Variants in HK1 observed in about 807,000 individuals in gnomAD.
HK1 encodes the protein hexokinase 1.
HK1 carries 28 observed loss-of-function variants against 91.6 expected under a neutral mutation model. The ratio of observed to expected loss-of-function variants is 0.31; its 90% CI spans 0.23 to 0.42. HK1 has a LOEUF of 0.42. HK1 is among the 10% of genes least tolerant of loss of function. HK1 has a pLI of 1.00. For missense variants in HK1, 770 were observed against 1,219.8 expected (o/e 0.63, Z 5.49); for synonymous variants, 430 against 468.1 (o/e 0.92, Z 1.05).
chr10:69,364,990 G>A (rs190810825), intron 4 of HK1, 88 bp downstream of exon 4: 2 of 1,482,480 alleles, frequency 1.3e-6, no homozygotes, highest in South Asian at 1.1e-5. Flanking sequence ...TTTCCCCTTT[G>A]TTGGCAGAAT....
chr10:69,276,836 T>C (rs976093647), intron 1 of HK1, among the ~76,000 whole-genome samples: 6 of 150,386 alleles, frequency 4.0e-5, no homozygotes, highest in Non-Finnish European at 7.4e-5. Context: ...TATATATCTA[T>C]ATATATCCTA....
rs1282255499 is a variant in HK1 at position 69,319,147 on chromosome 10, GA to G, written c.63+140del. The G allele has an allele frequency of 3.9e-6, 4 of 1,022,426 alleles. No individual in the cohort carries two copies. The African/African-American group carries it at 6.4e-5, about 16-fold the overall frequency. 63.3% of individuals were successfully genotyped at this position (1,022,426 alleles called of 1,614,324 possible). Reference sequence around the variant, plus strand: ...ATCGAGTTGGACTGCAGGGCGCAAGGAAAGCCTTCGCCTTCGATTCTACCGG... The same window carrying G: ...ATCGAGTTGGACTGCAGGGCGCAAGGAAGCCTTCGCCTTCGATTCTACCGG... On this transcript the variant is annotated intron_variant, in intron 1 of 17. Transcript: ENST00000359426.
Position 69,369,253 on chromosome 10 carries a change from T to C in HK1, c.608T>C (p.Ile203Thr). 1 of 1,614,018 alleles carries C rather than the reference T, an allele frequency of 6.2e-7. No homozygotes were observed. The highest frequency in any genetic ancestry group is 8.5e-7 in the Non-Finnish European group (1 of 1,179,860). The part of the protein sequence containing the change: ...IKKRGDYDAN[I>T]VAVVNDTVGT... ...TGTCCCCAGGACTATGATGCCAACA[T>C]CGTAGCTGTGGTGAATGACACAGTG... is the stretch of plus-strand genomic sequence containing the variant. The change falls in exon 6 of 18, where the codon ATC (isoleucine) becomes ACC (threonine). Residue 203 changes from isoleucine to threonine, a missense_variant. Physicochemically the swap from Ile to Thr is moderately conservative, Grantham distance 89. This residue lies in a region of HK1 where 449 missense variants were observed against 665.1 expected (regional missense o/e 0.68). Coordinates refer to ENST00000359426, the MANE Select transcript of HK1 (RefSeq NM_000188.3). The surrounding 1 kb of genome is among the most constrained non-coding windows in gnomAD (Gnocchi z 4.4).
intron 1 of HK1, among the ~76,000 whole-genome samples, chr10:69,333,379 T>A (rs1050446443): frequency 3.9e-5 from 6 of 152,232 alleles, no homozygotes; most frequent in Admixed American, 6.5e-5. Flanking sequence ...GCTGGCTGTT[T>A]GCTAAGCCAT....
At chr10:69,276,118 A>AT (rs1426672139) in intron 1 of HK1, among the ~76,000 whole-genome samples, 10,991 of 38,168 alleles carry the variant, frequency 0.29, 2,891 homozygotes, top group Non-Finnish European at 0.36. Context: ...AAAAAAAAAA[A>AT]ATACATATAT....
intron 1 of HK1, among the ~76,000 whole-genome samples, chr10:69,331,489 G>A (rs1847713138): frequency 6.6e-6 from 1 of 152,242 alleles, no homozygotes. Flanking sequence ...AATGTAGCAA[G>A]TCTGATTTGA....
intron 10 of HK1, among the ~76,000 whole-genome samples, chr10:69,384,035 A>G (rs1043199138): frequency 6.6e-6 from 1 of 152,264 alleles, no homozygotes; most frequent in Admixed American, 6.5e-5. Context: ...ACACCTTGAC[A>G]TAAATTATTA....
chr10:69,362,573 C>T (rs1432818917), intron 3 of HK1, among the ~76,000 whole-genome samples: 1 of 151,990 alleles, frequency 6.6e-6, no homozygotes, highest in Non-Finnish European at 1.5e-5. Flanking sequence ...CACCCTGGAT[C>T]ACCAGCACTC....
In HK1 at chr10:69,401,362, A is replaced by G; in HGVS notation, c.*227A>G. On this transcript the variant is annotated 3_prime_UTR_variant, in exon 18 of 18. Coordinates refer to ENST00000359426, the MANE Select transcript of HK1 (RefSeq NM_000188.3). The stretch of plus-strand genomic sequence containing the variant: ...CTCCTCACTTGCCCTGCCACTTTGC[A>G]TGGTTTGATTTTGACCTGGTCCCCC... 1 of 607,250 alleles carries G rather than the reference A, an allele frequency of 1.6e-6. No individual in the cohort carries two copies. The highest frequency in any genetic ancestry group is 2.8e-5 in the East Asian group (1 of 35,632). The allele number at this position is 607,250 out of a possible 1,614,324, so 37.6% of individuals were successfully genotyped here. A position where few individuals can be genotyped will look rare whatever the true frequency, so the allele number is the denominator to read the frequency against.
At position 69,276,118 on chromosome 10, in the gene HK1, A is replaced by AAAAATAT; in HGVS notation, c.-391+6011_-391+6012insAAATATA. ...AAAAAAAAAAAAAAAAAAAAAAAAA[A>AAAAATAT]ATACATATATATATATATATACACA... On this transcript the variant is annotated intron_variant, in intron 1 of 21. Coordinates refer to the HK1 transcript ENST00000360289. 1.6e-4 allele frequency among the ~76,000 whole-genome samples: 6 copies of AAAAATAT among 38,260 alleles called. 1 individual carries two copies. The highest frequency in any genetic ancestry group is 3.8e-4 in the African/African-American group (5 of 13,300). The allele number at this position is 38,260 out of a possible 152,430, so 25.1% of individuals were successfully genotyped here.
intron 15 of HK1, among the ~76,000 whole-genome samples, chr10:69,393,128 T>C (rs561744858): frequency 6.6e-6 from 1 of 151,422 alleles, no homozygotes; most frequent in East Asian, 2.0e-4. Context: ...ATTACAGGCA[T>C]ACACAACCAT....
At chr10:69,271,841 T>C (rs1321776079) in intron 1 of HK1, among the ~76,000 whole-genome samples, 1 of 151,656 alleles carries the variant, frequency 6.6e-6, no homozygotes, top group African/African-American at 2.4e-5. Flanking sequence ...ACAGCATAGA[T>C]ATGAATATAT....
upstream of HK1, chr10:69,318,050 A>T (rs1231805270): frequency 1.0e-6 from 1 of 985,282 alleles, no homozygotes; most frequent in Non-Finnish European, 1.2e-6. Flanking sequence ...GAGGATGGGG[A>T]CAGGCCACGA....
intron 3 of HK1, chr10:69,288,878 C>G: frequency 1.1e-6 from 1 of 933,330 alleles, no homozygotes; most frequent in South Asian, 1.4e-5. Flanking sequence ...CCTCTGCCTC[C>G]CGGGTTCAAG....
intron 1 of HK1, among the ~76,000 whole-genome samples, chr10:69,328,670 C>T (rs992007772): frequency 6.6e-6 from 1 of 152,146 alleles, no homozygotes; most frequent in Non-Finnish European, 1.5e-5. Flanking sequence ...CCATGAAACG[C>T]ATCATTGTAC....
intron 8 of HK1, among the ~76,000 whole-genome samples, chr10:69,379,062 A>G (rs1839257403): frequency 1.3e-5 from 2 of 152,164 alleles, no homozygotes; most frequent in Non-Finnish European, 2.9e-5. Context: ...TTGCACATAC[A>G]GATGTTTGCT....
intron 1 of HK1, among the ~76,000 whole-genome samples, chr10:69,337,788 G>A (rs979210806): frequency 1.3e-5 from 2 of 152,216 alleles, no homozygotes; most frequent in African/African-American, 2.4e-5. Flanking sequence ...CCTCACGGGA[G>A]GGTGGATGAG....
chr10:69,350,956 G>T (rs1310319499), intron 2 of HK1, among the ~76,000 whole-genome samples: 22 of 144,310 alleles, frequency 1.5e-4, no homozygotes, highest in Admixed American at 1.5e-3. Flanking sequence ...GGATCACGAG[G>T]TCAGGAGATC....
intron 16 of HK1, 31 bp downstream of exon 16, chr10:69,395,136 C>A (rs1455432166): frequency 6.2e-7 from 1 of 1,609,812 alleles, no homozygotes; most frequent in Non-Finnish European, 8.5e-7. Flanking sequence ...CTGCCAGCGC[C>A]CACCCTTCAG....
Sources: allele counts gnomAD v4.1 joint callset (sites outside exome capture counted in the v4.1 genomes callset), GRCh38; gene constraint gnomAD v4.1.1; regional missense constraint gnomAD v4.1.1; non-coding constraint Gnocchi (gnomAD v3.1); transcripts MANE v1.5; gene names NCBI Gene and HGNC (gene_info 2026-07-23, HGNC 2026-07-21).